EZH2: variants seen among roughly 807,000 people sequenced by gnomAD.
The protein encoded by EZH2 is enhancer of zeste 2 polycomb repressive complex 2 subunit.
EZH2 carries 18 observed loss-of-function variants against 98.4 expected under a neutral mutation model. That is an observed-to-expected ratio of 0.18 (90% CI 0.13 to 0.27). EZH2 has a LOEUF of 0.27. Among genes scored for constraint, EZH2 ranks in the 10% least tolerant of loss-of-function variants. The pLI is 1.00. For missense variants in EZH2, 470 were observed against 935.1 expected, an observed-to-expected ratio of 0.50 and a Z score of 6.49; for synonymous variants, 338 against 312.3, an observed-to-expected ratio of 1.08 and a Z score of -0.87.
Position 148,827,282 on chromosome 7 carries a change from T to G in EZH2, c.626-16A>C, listed in dbSNP as rs767042800. 1.3e-6 allele frequency: 2 copies of G among 1,584,844 alleles called. No homozygotes were observed. The highest frequency in any genetic ancestry group is 2.7e-5 in the African/African-American group (2 of 73,532). ...CTTTCTTTATCTAAACAGGAGAATA[T>G]GAAAGGAAAAAAAGAATGGAAGTAA... On this transcript the variant is annotated splice_polypyrimidine_tract_variant and intron_variant, in intron 6 of 19. Transcript: ENST00000320356.
chr7:148,837,969 G>A (rs1236959774), intron 3 of EZH2, among the ~76,000 whole-genome samples: 1 of 151,284 alleles, frequency 6.6e-6, no homozygotes, highest in African/African-American at 2.4e-5. Context: ...CTTTTATCCT[G>A]TAATTAACGG....
At chr7:148,878,920 A>G (rs1820547071) in intron 1 of EZH2, among the ~76,000 whole-genome samples, 1 of 150,910 alleles carries the variant, frequency 6.6e-6, no homozygotes, top group Admixed American at 6.6e-5. Flanking sequence ...TTAATTTAAA[A>G]ATGTTTAAAA....
chr7:148,843,005 C>T (rs557358598), intron 3 of EZH2, among the ~76,000 whole-genome samples: 46 of 151,794 alleles, frequency 3.0e-4, no homozygotes, highest in African/African-American at 9.7e-4. Flanking sequence ...GTCAGGAGTT[C>T]GAGACCAGCC....
chr7:148,825,323 A>G (rs2129474990), intron 8 of EZH2, among the ~76,000 whole-genome samples: 1 of 152,372 alleles, frequency 6.6e-6, no homozygotes, highest in South Asian at 2.1e-4. Flanking sequence ...AATTTTTAAA[A>G]CTACCAAATC....
At chr7:148,843,247 G>A (rs963511274) in intron 3 of EZH2, among the ~76,000 whole-genome samples, 8 of 151,428 alleles carry the variant, frequency 5.3e-5, no homozygotes, top group Middle Eastern at 3.4e-3. Flanking sequence ...ATGTGGTGGC[G>A]TGTGACTGTA....
chr7:148,828,972 C>T (rs1808533053), intron 5 of EZH2, 92 bp from the exon 6 acceptor site: 2 of 1,237,048 alleles, frequency 1.6e-6, no homozygotes, highest in African/African-American at 1.5e-5. Flanking sequence ...ACAGGCATAG[C>T]CTAGTAACTG....
intron 3 of EZH2, among the ~76,000 whole-genome samples, chr7:148,836,181 T>C (rs1483304218): frequency 6.6e-6 from 1 of 152,140 alleles, no homozygotes; most frequent in African/African-American, 2.4e-5. Flanking sequence ...TCAAAAAATG[T>C]TTCTGGAATG....
At chr7:148,873,586 CAG>C (rs143127072) in intron 1 of EZH2, among the ~76,000 whole-genome samples, 13,578 of 104,478 alleles carry the variant, frequency 0.13, 974 homozygotes, top group Middle Eastern at 0.22. Context: ...TTTTTTGCCT[CAG>C]AGTTTCTCAA....
At chr7:148,809,186 A>G (rs2129467553) in intron 18 of EZH2, 31 bp from the exon 19 acceptor site, 1 of 1,607,774 alleles carries the variant, frequency 6.2e-7, no homozygotes, top group South Asian at 1.1e-5. Flanking sequence ...GTCAGTGAGC[A>G]TGAAGACGGG....
At chr7:148,867,029 TAAA>T (rs1818651589) in intron 1 of EZH2, among the ~76,000 whole-genome samples, 1 of 149,542 alleles carries the variant, frequency 6.7e-6, no homozygotes, top group African/African-American at 2.4e-5. Flanking sequence ...CTATTCTTTA[TAAA>T]TTACCCAGTC....
Position 148,817,969 on chromosome 7 carries a change from G to A in EZH2, c.1148C>T (p.Thr383Ile), listed in dbSNP as rs553185801. The change falls in exon 10 of 20, where the codon ACA becomes ATA. Residue 383 changes from threonine (T) to isoleucine (I), a missense_variant. Thr to Ile is a moderately conservative substitution (Grantham distance 89). Around this residue, in one of 6 missense-constraint regions of EZH2, gnomAD observed 192 missense variants for 306.8 expected, o/e 0.63. Coordinates refer to ENST00000320356, the MANE Select transcript of EZH2 (RefSeq NM_004456.5). ...PTINVLESKD[T>I]DSDREAGTET... Reference sequence around the variant, plus strand: ...AGTCCCTGCTTCCCTATCACTGTCTGTATCCTTTGATTCCAGCACATTAAT... The same window carrying A: ...AGTCCCTGCTTCCCTATCACTGTCTATATCCTTTGATTCCAGCACATTAAT... 2.5e-6 allele frequency: 4 copies of A among 1,614,008 alleles called. No individual in the cohort carries two copies. The South Asian group carries it at 4.4e-5, about 18-fold the overall frequency.
chr7:148,811,425 G>T (rs1438810385), intron 16 of EZH2, among the ~76,000 whole-genome samples, 200 bp downstream of exon 16: 1 of 152,112 alleles, frequency 6.6e-6, no homozygotes, highest in African/African-American at 2.4e-5. Context: ...TGCTGGGATT[G>T]CAGGAGTCGG....
intron 3 of EZH2, among the ~76,000 whole-genome samples, chr7:148,845,725 T>C (rs188895541): frequency 1.2e-4 from 19 of 152,332 alleles, no homozygotes; most frequent in Non-Finnish European, 2.1e-4. Context: ...ATCTACTACA[T>C]AGTGCAATTT....
At chr7:148,844,223 T>C (rs1417088802) in intron 3 of EZH2, among the ~76,000 whole-genome samples, 1 of 152,168 alleles carries the variant, frequency 6.6e-6, no homozygotes, top group Non-Finnish European at 1.5e-5. Context: ...AATATGTAGA[T>C]GGAAATGCTT....
chr7:148,808,596 T>C (rs535243857), intron 19 of EZH2, among the ~76,000 whole-genome samples: 5 of 152,346 alleles, frequency 3.3e-5, no homozygotes, highest in Non-Finnish European at 5.9e-5. Context: ...AGACAGCGAT[T>C]TGCCAACAGC....
chr7:148,824,326 A>C lies in EZH2; in HGVS notation c.907+2128T>G. On this transcript the variant is annotated intron_variant, in intron 8 of 19. Coordinates refer to ENST00000320356, the MANE Select transcript of EZH2 (RefSeq NM_004456.5). ...CGAGACTTCGTCTCAAAAAAAAAAA[A>C]AAACAACAACAACAACAAAAAAGAA... 1.3e-5 allele frequency among the ~76,000 whole-genome samples: 2 copies of C among 151,908 alleles called. 1 individual carries two copies. The highest frequency in any genetic ancestry group is 4.8e-5 in the African/African-American group (2 of 41,312).
In EZH2 at chr7:148,830,833, A is replaced by G. The variant is rs571553167; in HGVS notation, c.364-985T>C. Among the ~76,000 whole-genome samples, 6 of 152,346 alleles carry G rather than the reference A, an allele frequency of 3.9e-5. No individual in the cohort carries two copies. The East Asian group carries it at 7.7e-4, about 20-fold the overall frequency. ...GGAGGAAGAGCATTTTCAATGAAGA[A>G]TAAAAATGACAGCAGTTATAGATAA... On this transcript the variant is annotated intron_variant, in intron 4 of 19. Coordinates refer to ENST00000320356, the MANE Select transcript of EZH2 (RefSeq NM_004456.5).
At chr7:148,847,732 G>C (rs1038653328) in intron 1 of EZH2, among the ~76,000 whole-genome samples, 2 of 152,132 alleles carry the variant, frequency 1.3e-5, no homozygotes, top group African/African-American at 4.8e-5. Context: ...GTAAATCCAA[G>C]AAGAAGTAAA....
At chr7:148,880,598 G>A (rs1309812723) in intron 1 of EZH2, among the ~76,000 whole-genome samples, 1 of 152,108 alleles carries the variant, frequency 6.6e-6, no homozygotes, top group East Asian at 1.9e-4. Flanking sequence ...ATTATAACTA[G>A]GAAAAACTTG....
Sources: gnomAD v4.1 joint callset for allele counts (sites outside exome capture counted in the v4.1 genomes callset) on GRCh38, gnomAD v4.1.1 for gene constraint, gnomAD v4.1.1 regional missense constraint, MANE v1.5 for transcripts, NCBI Gene and HGNC (gene_info 2026-07-23, HGNC 2026-07-21) for gene names.